The following VSNL1 variants were observed in gnomAD, a reference collection of about 807,000 sequenced individuals.
VSNL1 encodes visinin like 1.
VSNL1 carries 6 observed loss-of-function variants against 20.4 expected under a neutral mutation model. The observed-to-expected ratio is 0.29, with a 90% CI of 0.16 to 0.58. The LOEUF (loss-of-function observed/expected upper bound fraction) is 0.58, where lower values mean the gene tolerates loss of function less well. Ranked by LOEUF, VSNL1 falls within the 20% of genes least tolerant of loss-of-function variation. The pLI is 0.90. For synonymous variants in VSNL1, 93 were observed against 86.4 expected (o/e 1.08, Z -0.42); for missense variants, 100 against 234.5 (o/e 0.43, Z 3.75).
intron 2 of VSNL1, among the ~76,000 whole-genome samples, chr2:17,622,781 C>A (rs1665416727): frequency 6.6e-6 from 1 of 152,124 alleles, no homozygotes; most frequent in South Asian, 2.1e-4. Context: ...AGCAAAGCAA[C>A]AGGGGGCCTT....
At chr2:17,614,070 A>G (rs1456760114) in intron 2 of VSNL1, among the ~76,000 whole-genome samples, 1 of 152,134 alleles carries the variant, frequency 6.6e-6, no homozygotes, top group East Asian at 1.9e-4. Flanking sequence ...ATCAGATTTG[A>G]GTGGGGCTCT....
chr2:17,540,378 C>A (rs59108076), upstream of VSNL1, among the ~76,000 whole-genome samples: 42,204 of 152,236 alleles, frequency 0.28, 6,596 homozygotes, highest in Non-Finnish European at 0.36. Flanking sequence ...GTGGCGAGTC[C>A]GGGTAACCCG....
chr2:17,582,984 T>C (rs1664385325), intron 1 of VSNL1, among the ~76,000 whole-genome samples: 1 of 152,188 alleles, frequency 6.6e-6, no homozygotes, highest in South Asian at 2.1e-4. Context: ...TAAAGCCACC[T>C]TCATACGAGA....
chr2:17,633,040 C>T (rs1239229472), intron 2 of VSNL1, among the ~76,000 whole-genome samples: 4 of 152,138 alleles, frequency 2.6e-5, no homozygotes, highest in Non-Finnish European at 5.9e-5. Flanking sequence ...GGGTAATTTA[C>T]AAATGAAAGA....
chr2:17,543,721 G>A (rs978888129), intron 1 of VSNL1, among the ~76,000 whole-genome samples: 5 of 152,128 alleles, frequency 3.3e-5, no homozygotes, highest in African/African-American at 1.2e-4. Context: ...CTTTTCCTCA[G>A]GCAGATCTTT....
intron 2 of VSNL1, among the ~76,000 whole-genome samples, chr2:17,620,663 T>C (rs892693698): frequency 1.3e-5 from 2 of 152,220 alleles, no homozygotes; most frequent in African/African-American, 4.8e-5. Flanking sequence ...CTATTCATGA[T>C]ATTATCTTTT....
chr2:17,616,519 T>A (rs925736684), intron 2 of VSNL1, among the ~76,000 whole-genome samples: 2 of 152,192 alleles, frequency 1.3e-5, no homozygotes, highest in African/African-American at 4.8e-5. Flanking sequence ...CTCCAAACAC[T>A]GATGGATGGC....
At chr2:17,607,226 A>G (rs181723405) in intron 2 of VSNL1, among the ~76,000 whole-genome samples, 1 of 152,274 alleles carries the variant, frequency 6.6e-6, no homozygotes, top group Admixed American at 6.5e-5. Context: ...GTTGCTAGCG[A>G]GTTGATCTGG....
chr2:17,557,476 A>G (rs1307783906), intron 1 of VSNL1, among the ~76,000 whole-genome samples: 1 of 152,192 alleles, frequency 6.6e-6, no homozygotes. Flanking sequence ...ACTTACAATT[A>G]ATTAAGTGCT....
intron 2 of VSNL1, among the ~76,000 whole-genome samples, chr2:17,623,604 A>C (rs113680395): frequency 0.032 from 4,519 of 143,240 alleles, 231 homozygotes; most frequent in African/African-American, 0.11. Flanking sequence ...TGGGAGGCGG[A>C]GCTTGCAGTG....
At chr2:17,647,737 T>C (rs1666028758) in intron 2 of VSNL1, among the ~76,000 whole-genome samples, 1 of 152,172 alleles carries the variant, frequency 6.6e-6, no homozygotes, top group Non-Finnish European at 1.5e-5. Context: ...CCCTCTCCTC[T>C]GTTCTAGTTC....
At chr2:17,622,528 AAAGAAAAGAAAGAAAGAAAG>A in intron 2 of VSNL1, among the ~76,000 whole-genome samples, 1 of 115,654 alleles carries the variant, frequency 8.6e-6, no homozygotes, top group South Asian at 2.9e-4. Context: ...GAAAAGAAAG[AAAGAAAAGAAAGAAAGAAAG>A]AAAGAAAGAA....
chr2:17,649,407 C>T lies in VSNL1; in HGVS notation c.163-3C>T, dbSNP rs761090155. 1 of 1,614,180 alleles carries T rather than the reference C, an allele frequency of 6.2e-7. No individual in the cohort carries two copies. The highest frequency in any genetic ancestry group is 8.5e-7 in the Non-Finnish European group (1 of 1,180,008). ...ACCTGACTGCGCGTGTTCTCCTTTGCAGTTCTTTCCTTATGGAGACGCCTC... is the reference window on the plus strand; with the variant it reads ...ACCTGACTGCGCGTGTTCTCCTTTGTAGTTCTTTCCTTATGGAGACGCCTC... On this transcript the variant is annotated splice_polypyrimidine_tract_variant and splice_region_variant and intron_variant, in intron 2 of 3. Coordinates refer to ENST00000295156, the MANE Select transcript of VSNL1 (RefSeq NM_003385.5). This position sits in a 1 kb window ranked among gnomAD's most constrained non-coding sequence, Gnocchi z 6.4.
chr2:17,600,649 T>C (rs925094755), intron 2 of VSNL1, among the ~76,000 whole-genome samples: 24 of 152,378 alleles, frequency 1.6e-4, no homozygotes, highest in East Asian at 3.9e-4. Context: ...TAAAAATTCA[T>C]TGGGCAGAGC....
intron 1 of VSNL1, among the ~76,000 whole-genome samples, chr2:17,586,158 C>T (rs1433133589): frequency 2.0e-5 from 3 of 152,158 alleles, no homozygotes; most frequent in Non-Finnish European, 4.4e-5. Context: ...CTTGAAAGCA[C>T]ATCAGGAATG....
At chr2:17,644,542 GAGA>G (rs1362478472) in intron 2 of VSNL1, among the ~76,000 whole-genome samples, 1 of 152,244 alleles carries the variant, frequency 6.6e-6, no homozygotes, top group East Asian at 1.9e-4. Context: ...GGTGTGGGAG[GAGA>G]AGGAGACTGC....
intron 2 of VSNL1, among the ~76,000 whole-genome samples, chr2:17,631,646 G>C (rs1355230728): frequency 6.6e-6 from 1 of 152,170 alleles, no homozygotes; most frequent in Non-Finnish European, 1.5e-5. Context: ...TTAAACCATT[G>C]TCAGAGTCTC....
chr2:17,634,716 T>C lies in VSNL1; in HGVS notation c.163-14694T>C, dbSNP rs533464936. On this transcript the variant is annotated intron_variant, in intron 2 of 3. Coordinates refer to ENST00000295156, the MANE Select transcript of VSNL1 (RefSeq NM_003385.5). The surrounding 1 kb of genome is among the most constrained non-coding windows in gnomAD (Gnocchi z 4.3). The stretch of plus-strand genomic sequence containing the variant: ...TTTGTATGTTCGTTTTTTGTTTTGC[T>C]GAGATCACAACTGCCAAAGAAGAGA... Among the ~76,000 whole-genome samples the C allele has an allele frequency of 1.6e-4, 25 of 152,214 alleles. No homozygotes were observed. The highest frequency in any genetic ancestry group is 2.8e-4 in the Non-Finnish European group (19 of 68,042).
Position 17,592,640 on chromosome 2 carries a change from C to CTTTTTTT in VSNL1, c.162+437_162+443dup, listed in dbSNP as rs55756596. Among the ~76,000 whole-genome samples the CTTTTTTT allele has an allele frequency of 2.1e-4, 15 of 70,886 alleles. 2 individuals carry two copies. The highest frequency in any genetic ancestry group is 6.3e-4 in the Admixed American group (3 of 4,776). 46.5% of individuals were successfully genotyped at this position (70,886 alleles called of 152,430 possible). The stretch of plus-strand genomic sequence containing the variant: ...AAGAGGGCTTTTTCTCTCTCTCTCT[C>CTTTTTTT]TTTTTTTTTTTTTTTTTTTTTTTTT... On this transcript the variant is annotated intron_variant, in intron 2 of 3. Coordinates refer to ENST00000295156, the MANE Select transcript of VSNL1 (RefSeq NM_003385.5).
Sources: gnomAD v4.1 joint callset for allele counts (sites outside exome capture counted in the v4.1 genomes callset) on GRCh38, gnomAD v4.1.1 for gene constraint, Gnocchi (gnomAD v3.1) non-coding constraint, MANE v1.5 for transcripts, NCBI Gene and HGNC (gene_info 2026-07-23, HGNC 2026-07-21) for gene names.